PCDH1: variants seen among roughly 807,000 people sequenced by gnomAD.
PCDH1 encodes protocadherin-1.
PCDH1 carries 23 observed loss-of-function variants against 74.6 expected under a neutral mutation model. The observed-to-expected ratio is 0.31, with a 90% CI of 0.22 to 0.44. The LOEUF (loss-of-function observed/expected upper bound fraction) is 0.44. Ranked by LOEUF, PCDH1 falls within the 20% of genes least tolerant of loss-of-function variation. The pLI is 1.00. For missense variants in PCDH1, 1,214 were observed against 1,641.4 expected (o/e 0.74, Z 4.50); for synonymous variants, 647 against 686.1 (o/e 0.94, Z 0.89).
At position 141,854,280 on chromosome 5, in the gene PCDH1, T is replaced by C; in HGVS notation, c.3476A>G (p.Gln1159Arg). 1 of 1,613,478 alleles carries C rather than the reference T, an allele frequency of 6.2e-7. No individual in the cohort carries two copies. Among genetic ancestry groups the C allele is most frequent in the Non-Finnish European group, 8.5e-7 (1 of 1,179,786 alleles). The change falls in exon 5 of 5, where the codon CAG (glutamine) becomes CGG (arginine). Residue 1159 changes from glutamine to arginine, a missense_variant. Transcript: ENST00000287008. ...CGCAGGCTCCTGCCCTCCTCGGTCC[T>C]GGTAAGGCACGAAGGTGGAGAGTTT... is the stretch of plus-strand genomic sequence containing the variant. ...ALKLSTFVPYQDRGGQEPAGA... is the reference protein window; with the variant it reads ...ALKLSTFVPYRDRGGQEPAGA...
At position 141,854,370 on chromosome 5, in the gene PCDH1, T is replaced by C; in HGVS notation, c.3386A>G (p.His1129Arg). ...GCCAGGCATCCAGCATGTGTCAGAG[T>C]GGCCAAACTCACTGCACTCCCGGGT... is the stretch of plus-strand genomic sequence containing the variant. ...TCTRECSEFG[H>R]SDTCWMPGQS... The change falls in exon 5 of 5, where the codon CAC (histidine) becomes CGC (arginine). Residue 1129 changes from histidine (H) to arginine (R), a missense_variant. Coordinates refer to ENST00000287008, the MANE Select transcript of PCDH1 (RefSeq NM_032420.5). The C allele has an allele frequency of 6.2e-7, 1 of 1,613,382 alleles. No individual in the cohort carries two copies. The highest frequency in any genetic ancestry group is 8.5e-7 in the Non-Finnish European group (1 of 1,179,934).
At chr5:141,858,301 A>C (rs1752439595) in intron 3 of PCDH1, among the ~76,000 whole-genome samples, 1 of 152,160 alleles carries the variant, frequency 6.6e-6, no homozygotes, top group South Asian at 2.1e-4. Context: ...AAAGCAGAAC[A>C]ATGGAAACTC....
chr5:141,863,445 G>A lies in PCDH1; in HGVS notation c.2886C>T (p.Ser962=). ...IHLPLNYPPG[S]PDLGRHYRSN... ...AGCGATAGTGGCGGCCCAGGTCAGG[G>A]CTGCCTGGTGGGTAGTTGAGGGGCA... The change falls in exon 3 of 5, where the codon AGC becomes AGT. Residue 962 remains serine (S), a synonymous_variant. Coordinates refer to ENST00000287008, the MANE Select transcript of PCDH1 (RefSeq NM_032420.5). The surrounding 1 kb of genome is among the most constrained non-coding windows in gnomAD (Gnocchi z 7.5). 4 of 1,570,872 alleles carry A rather than the reference G, an allele frequency of 2.5e-6. No individual in the cohort carries two copies. The highest frequency in any genetic ancestry group is 3.5e-6 in the Non-Finnish European group (4 of 1,157,556).
chr5:141,854,591 G>T (rs957178396), intron 4 of PCDH1, among the ~76,000 whole-genome samples, 155 bp from the exon 5 acceptor site: 4 of 151,994 alleles, frequency 2.6e-5, no homozygotes, highest in Non-Finnish European at 4.4e-5. Context: ...CCCTCAAAGA[G>T]ACACATGCCC....
At chr5:141,866,058 G>A in intron 2 of PCDH1, 1 of 986,004 alleles carries the variant, frequency 1.0e-6, no homozygotes, top group Non-Finnish European at 1.2e-6. Context: ...TTGCACACAT[G>A]AGTAAAGACT....
In PCDH1 at chr5:141,869,291, C is replaced by T. The variant is rs761471094; in HGVS notation, c.181G>A (p.Val61Met). Residue 61 changes from valine (V) to methionine (M), a missense_variant, in exon 2 of 5, where the codon GTG (valine) becomes ATG (methionine). Physicochemically the swap from Val to Met is conservative, Grantham distance 21. Coordinates refer to ENST00000287008, the MANE Select transcript of PCDH1 (RefSeq NM_032420.5). This position sits in a 1 kb window ranked among gnomAD's most constrained non-coding sequence, Gnocchi z 4.9. ...APSPGHATRV[V>M]YKVPEEQPPN... ...GGCTGTTCCTCCGGCACCTTGTACA[C>T]TACCCGAGTGGCGTGGCCTGGGGAT... is the stretch of plus-strand genomic sequence containing the variant. 1.9e-5 allele frequency: 31 copies of T among 1,606,500 alleles called. No individual in the cohort carries two copies. In the Admixed American group the frequency reaches 5.3e-4, roughly 27 times the overall value.
Position 141,864,089 on chromosome 5 carries a change from C to T in PCDH1, c.2242G>A (p.Val748Ile). ...ATGCTGTAGATCAGCTCAGCATTGACACCAGAGTCAAAGTCCTCGGCTGCC... is the reference window on the plus strand; with the variant it reads ...ATGCTGTAGATCAGCTCAGCATTGATACCAGAGTCAAAGTCCTCGGCTGCC... ...QVAAEDFDSG[V>I]NAELIYSIAG... Residue 748 changes from valine to isoleucine, a missense_variant, in exon 3 of 5, where the codon GTC becomes ATC. By Grantham distance (29) the Val-to-Ile change is conservative (BLOSUM62 3). Transcript: ENST00000287008. This position sits in a 1 kb window ranked among gnomAD's most constrained non-coding sequence, Gnocchi z 5.9. The T allele has an allele frequency of 6.2e-7, 1 of 1,611,420 alleles. No individual in the cohort carries two copies. The highest frequency in any genetic ancestry group is 1.3e-5 in the African/African-American group (1 of 74,988).
At chr5:141,856,121 G>A (rs1752326034) in intron 4 of PCDH1, 1 of 1,116,434 alleles carries the variant, frequency 9.0e-7, no homozygotes, top group Non-Finnish European at 1.3e-6. Context: ...GCAGAGTTGG[G>A]GGACGCAACA....
intron 2 of PCDH1, among the ~76,000 whole-genome samples, chr5:141,866,785 GA>G (rs1752860149): frequency 6.6e-6 from 1 of 152,174 alleles, no homozygotes; most frequent in African/African-American, 2.4e-5. Flanking sequence ...CCGGCACAGG[GA>G]AAGTGCTCCC....
intron 1 of PCDH1, among the ~76,000 whole-genome samples, chr5:141,874,165 G>A (rs1054948600): frequency 1.3e-5 from 2 of 152,206 alleles, no homozygotes; most frequent in African/African-American, 2.4e-5. Flanking sequence ...TAAGGGTCAA[G>A]GAATGAACCA....
At position 141,857,414 on chromosome 5, in the gene PCDH1, G is replaced by C; in HGVS notation, c.3157C>G (p.Pro1053Ala). 6.2e-7 allele frequency: 1 copy of C among 1,614,080 alleles called. No homozygotes were observed. Among genetic ancestry groups the C allele is most frequent in the Non-Finnish European group, 8.5e-7 (1 of 1,179,974 alleles). ...ATSQAQELQD[P>A]SQHSYYDSGL... is the part of the protein sequence containing the mutation. ...CTGTCATAGTAACTGTGCTGGGATG[G>C]GTCCTGCAGCTCCTGGGCCTGGCTG... is the stretch of plus-strand genomic sequence containing the variant. Residue 1053 changes from proline (P) to alanine (A), a missense_variant, in exon 4 of 5, where the codon CCA (proline) becomes GCA (alanine). Around this residue, in one of 4 missense-constraint regions of PCDH1, gnomAD observed 836 missense variants for 1,182.2 expected, o/e 0.71. Coordinates refer to ENST00000287008, the MANE Select transcript of PCDH1 (RefSeq NM_032420.5).
chr5:141,867,521 T>C (rs1470641735), intron 2 of PCDH1: 1 of 447,486 alleles, frequency 2.2e-6, no homozygotes, highest in African/African-American at 2.0e-5. Flanking sequence ...TTTAGAACGG[T>C]GCCTGGCACC....
rs189413492 is a variant in PCDH1, at chr5:141,854,559, G to A, written c.3320-123C>T. On this transcript the variant is annotated intron_variant, in intron 4 of 4. Transcript: ENST00000287008. Reference sequence around the variant, plus strand: ...CAGGAGTATGCGCCCCTTCCTGACCGCTGAACTCACAGGCACACACACCCT... The same window carrying A: ...CAGGAGTATGCGCCCCTTCCTGACCACTGAACTCACAGGCACACACACCCT... 348 of 995,784 alleles carry A rather than the reference G, an allele frequency of 3.5e-4. 1 individual carries two copies. In the African/African-American group the frequency reaches 4.2e-3, roughly 12 times the overall value. The allele number at this position is 995,784 out of a possible 1,614,324, so 61.7% of individuals were successfully genotyped here.
chr5:141,873,561 C>A (rs1322845512), intron 1 of PCDH1, among the ~76,000 whole-genome samples: 1 of 151,696 alleles, frequency 6.6e-6, no homozygotes, highest in Non-Finnish European at 1.5e-5. Flanking sequence ...ATTCTCCTGC[C>A]TCAGCCTCCC....
chr5:141,871,368 T>C (rs1753092958), intron 1 of PCDH1, among the ~76,000 whole-genome samples: 1 of 152,272 alleles, frequency 6.6e-6, no homozygotes, highest in African/African-American at 2.4e-5. Flanking sequence ...CAATGACTAT[T>C]TGTCCATTTT....
chr5:141,866,322 C>A, intron 2 of PCDH1: 2 of 738,194 alleles, frequency 2.7e-6, no homozygotes, highest in Non-Finnish European at 3.3e-6. Context: ...GTGGGCTGGG[C>A]TCCCAGCATC....
At chr5:141,871,079 C>T (rs534874598) in intron 1 of PCDH1, among the ~76,000 whole-genome samples, 1 of 152,340 alleles carries the variant, frequency 6.6e-6, no homozygotes, top group South Asian at 2.1e-4. Context: ...ACACCGCCCG[C>T]CTGTGTTGTT....
At chr5:141,862,789 C>G (rs1356340494) in intron 3 of PCDH1, 2 of 1,037,690 alleles carry the variant, frequency 1.9e-6, no homozygotes, top group Non-Finnish European at 1.2e-6. Flanking sequence ...GCAGACTCCC[C>G]ACTCAGTTAT....
rs143730289 is a variant in PCDH1 at position 141,861,358 on chromosome 5, T to C, written c.3099+1874A>G. ...GATGATGACAACAGGTGGTGTGGTT[T>C]GGTTGTATCTGAATGTTGGGAGAAG... On this transcript the variant is annotated intron_variant, in intron 3 of 4. Coordinates refer to ENST00000287008, the MANE Select transcript of PCDH1 (RefSeq NM_032420.5). Among the ~76,000 whole-genome samples the C allele has an allele frequency of 3.9e-3, 587 of 152,224 alleles. 4 individuals are homozygous for C. The highest frequency in any genetic ancestry group is 0.014 in the African/African-American group (570 of 41,528).
Sources: allele counts gnomAD v4.1 joint callset (sites outside exome capture counted in the v4.1 genomes callset), GRCh38; gene constraint gnomAD v4.1.1; regional missense constraint gnomAD v4.1.1; non-coding constraint Gnocchi (gnomAD v3.1); transcripts MANE v1.5; gene names NCBI Gene and HGNC (gene_info 2026-07-23, HGNC 2026-07-21).